Variants in NAP1L1 observed in about 807,000 individuals in gnomAD.
The protein encoded by NAP1L1 is nucleosome assembly protein 1 like 1.
In NAP1L1, 9 loss-of-function variants were observed where a neutral mutation model predicts 58.9. The observed-to-expected ratio is 0.15, with a 90% CI of 0.09 to 0.27. The LOEUF is 0.27. Ranked by LOEUF, NAP1L1 falls within the 10% of genes least tolerant of loss-of-function variation. The pLI, the probability that NAP1L1 is intolerant of heterozygous loss-of-function variation, is 1.00. For missense variants in NAP1L1, 302 were observed against 458.8 expected, an observed-to-expected ratio of 0.66 and a Z score of 3.12; for synonymous variants, 130 against 138.3, an observed-to-expected ratio of 0.94 and a Z score of 0.42.
At position 76,049,195 on chromosome 12, in the gene NAP1L1, C is replaced by T; in HGVS notation, c.1140+5G>A. ...TTAATAGAAAGCAGCACTAATTTTG[C>T]TCACCTTTGGGTCATAGTCTGGATC... On this transcript the variant is annotated splice_donor_5th_base_variant and intron_variant, in intron 14 of 14. Coordinates refer to ENST00000618691, the MANE Select transcript of NAP1L1 (RefSeq NM_004537.7). 3.1e-6 allele frequency: 5 copies of T among 1,612,998 alleles called. No individual in the cohort carries two copies. Among genetic ancestry groups the T allele is most frequent in the Non-Finnish European group, 4.2e-6 (5 of 1,179,352 alleles).
At chr12:76,055,932 A>G (rs1949064826) in intron 7 of NAP1L1, 101 bp downstream of exon 7, 1 of 1,230,178 alleles carries the variant, frequency 8.1e-7, no homozygotes, top group Admixed American at 2.2e-5. Context: ...GTAAGCAATC[A>G]TTCTAGAAAG....
intron 6 of NAP1L1, 56 bp downstream of exon 6, chr12:76,059,742 A>G (rs748538114): frequency 8.2e-7 from 1 of 1,215,772 alleles, no homozygotes; most frequent in Non-Finnish European, 1.2e-6. Context: ...AACATTTCTG[A>G]CAAGTCCTAA....
intron 1 of NAP1L1, among the ~76,000 whole-genome samples, chr12:76,084,327 C>CGTTG: frequency 6.6e-6 from 1 of 152,270 alleles, no homozygotes; most frequent in East Asian, 1.9e-4. Context: ...GCCGCGCCAA[C>CGTTG]CCCTACGTCG....
intron 4 of NAP1L1, among the ~76,000 whole-genome samples, chr12:76,066,473 TA>T (rs945152622): frequency 4.0e-5 from 6 of 151,632 alleles, no homozygotes; most frequent in Non-Finnish European, 7.4e-5. Context: ...TGCAAAGCAT[TA>T]AAAAAAAGTT....
chr12:76,072,316 C>CA (rs1166516848), intron 2 of NAP1L1, among the ~76,000 whole-genome samples: 2 of 129,728 alleles, frequency 1.5e-5, no homozygotes, highest in Non-Finnish European at 3.4e-5. Flanking sequence ...AAAAAAAAAA[C>CA]AAAAAAACAG....
intron 6 of NAP1L1, chr12:76,056,932 AC>A (rs1269590919): frequency 3.9e-6 from 1 of 255,006 alleles, no homozygotes; most frequent in Non-Finnish European, 7.9e-6. Flanking sequence ...AATTGCTTGA[AC>A]CCAGGAGGTG....
At chr12:76,076,092 C>T (rs1417808235) in intron 1 of NAP1L1, among the ~76,000 whole-genome samples, 2 of 152,168 alleles carry the variant, frequency 1.3e-5, no homozygotes, top group African/African-American at 2.4e-5. Flanking sequence ...GAATCTAATG[C>T]CTTTGCTTTC....
Position 76,039,675 on chromosome 12 carries a change from G to A in NAP1L1, c.*8754C>T, listed in dbSNP as rs1481297229. ...GTGACAGAAATATCTACAAGGCAGT[G>A]CAAAGTGTAGGGCCATCCAAATGCT... On this transcript the variant is annotated 3_prime_UTR_variant, in exon 15 of 15. Coordinates refer to ENST00000618691, the MANE Select transcript of NAP1L1 (RefSeq NM_004537.7). 6.6e-6 allele frequency: 1 copy of A among 152,196 alleles called. No homozygotes were observed. The highest frequency in any genetic ancestry group is 2.4e-5 in the African/African-American group (1 of 41,452). 9.4% of individuals were successfully genotyped at this position (152,196 alleles called of 1,614,324 possible).
At chr12:76,079,374 G>C (rs1027269967) in intron 1 of NAP1L1, among the ~76,000 whole-genome samples, 1 of 152,030 alleles carries the variant, frequency 6.6e-6, no homozygotes. Flanking sequence ...TAACATGCCT[G>C]CTGTAGTCCT....
At position 76,058,193 on chromosome 12, in the gene NAP1L1, A is replaced by ATATATATT. The variant is rs1949215710; in HGVS notation, c.429+1604_429+1605insAATATATA. 3 of 416,990 alleles carry ATATATATT rather than the reference A, an allele frequency of 7.2e-6. No individual in the cohort carries two copies. The African/African-American group carries it at 9.1e-5, about 13-fold the overall frequency. 25.8% of individuals were successfully genotyped at this position (416,990 alleles called of 1,614,324 possible). ...GATATGGCCAAAGGGAGAGAGGCCT[A>ATATATATT]CATATATATATATATATATATATAT... On this transcript the variant is annotated intron_variant, in intron 6 of 14. Coordinates refer to ENST00000618691, the MANE Select transcript of NAP1L1 (RefSeq NM_004537.7).
chr12:76,054,748 C>A (rs1321950646), intron 8 of NAP1L1, among the ~76,000 whole-genome samples: 5 of 152,150 alleles, frequency 3.3e-5, no homozygotes, highest in Admixed American at 6.5e-5. Context: ...CAAGCTCATG[C>A]CTTTTAATGC....
intron 4 of NAP1L1, chr12:76,061,026 G>A (rs756112913): frequency 2.9e-5 from 13 of 444,222 alleles, no homozygotes; most frequent in Non-Finnish European, 5.9e-5. Flanking sequence ...CTGGGATGTC[G>A]AGGCTGAATT....
intron 12 of NAP1L1, 69 bp downstream of exon 12, chr12:76,050,462 A>C (rs1369008374): frequency 6.6e-7 from 1 of 1,507,752 alleles, no homozygotes; most frequent in Admixed American, 2.4e-5. Context: ...AAACTAAACT[A>C]ATCTATTACC....
intron 2 of NAP1L1, among the ~76,000 whole-genome samples, chr12:76,070,356 C>T (rs1016117474): frequency 9.9e-5 from 15 of 152,204 alleles, no homozygotes; most frequent in African/African-American, 2.4e-4. Flanking sequence ...GATCCTCCCA[C>T]GTCCGCCTTC....
In NAP1L1 at chr12:76,045,027, CTTA is replaced by C. The variant is rs1948586330; in HGVS notation, c.*3399_*3401del. 1 of 152,046 alleles carries C rather than the reference CTTA, an allele frequency of 6.6e-6. No homozygotes were observed. The highest frequency in any genetic ancestry group is 2.4e-5 in the African/African-American group (1 of 41,414). The allele number at this position is 152,046 out of a possible 1,614,324, so 9.4% of individuals were successfully genotyped here. ...ACATGTACTTTTCAGGTATCAGAGA[CTTA>C]GTGCTTTAAGTAGCAAATTACCTAA... On this transcript the variant is annotated 3_prime_UTR_variant, in exon 15 of 15. Transcript: ENST00000618691.
At chr12:76,059,617 T>A in intron 6 of NAP1L1, 181 bp downstream of exon 6, 1 of 538,390 alleles carries the variant, frequency 1.9e-6, no homozygotes, top group Non-Finnish European at 3.2e-6. Flanking sequence ...AATTACAATC[T>A]TGAATGACTG....
rs1314939438 is a variant in NAP1L1 at position 76,039,849 on chromosome 12, T to C, written c.*8580A>G. On this transcript the variant is annotated 3_prime_UTR_variant, in exon 15 of 15. Coordinates refer to ENST00000618691, the MANE Select transcript of NAP1L1 (RefSeq NM_004537.7). ...AAACGAACACTTAGTTCTCCCCAAA[T>C]TGCTGATTAATACTGTAAACTGAAA... is the stretch of plus-strand genomic sequence containing the variant. 8 of 152,220 alleles carry C rather than the reference T, an allele frequency of 5.3e-5. No homozygotes were observed. The highest frequency in any genetic ancestry group is 1.2e-4 in the Non-Finnish European group (8 of 68,032). The allele number at this position is 152,220 out of a possible 1,614,324, so 9.4% of individuals were successfully genotyped here. A position where few individuals can be genotyped will look rare whatever the true frequency, so the allele number is the denominator to read the frequency against.
At chr12:76,065,888 A>T (rs955487682) in intron 4 of NAP1L1, among the ~76,000 whole-genome samples, 5 of 151,862 alleles carry the variant, frequency 3.3e-5, no homozygotes, top group Admixed American at 6.6e-5. Context: ...TATTAAGACA[A>T]CTATAAAGTC....
chr12:76,077,926 T>C (rs1459413835), intron 1 of NAP1L1, among the ~76,000 whole-genome samples: 1 of 126,754 alleles, frequency 7.9e-6, no homozygotes, highest in African/African-American at 3.1e-5. Flanking sequence ...GAGGCTGCAG[T>C]GAGCCGAGAT....
Sources: allele counts gnomAD v4.1 joint callset (sites outside exome capture counted in the v4.1 genomes callset), GRCh38; gene constraint gnomAD v4.1.1; transcripts MANE v1.5; gene names NCBI Gene and HGNC (gene_info 2026-07-23, HGNC 2026-07-21).